Variants in FBXO27 observed in about 807,000 individuals in gnomAD.
FBXO27 encodes F-box only protein 27.
Under a neutral mutation model 28.3 loss-of-function variants are expected in FBXO27, and 28 were observed. The observed-to-expected ratio is 0.99, with a 90% CI of 0.73 to 1.36. The LOEUF is 1.36. Among genes scored for constraint, FBXO27 ranks in the 40% most tolerant of loss-of-function variants. The pLI is 0.00. For synonymous variants in FBXO27, 175 were observed against 167.3 expected (o/e 1.05, Z -0.36); for missense variants, 388 against 394.1 (o/e 0.98, Z 0.13).
intron 1 of FBXO27, among the ~76,000 whole-genome samples, chr19:39,014,765 AC>A (rs903117033): frequency 8.0e-5 from 12 of 150,414 alleles, no homozygotes; most frequent in African/African-American, 2.9e-4. Context: ...AAAAATGCAT[AC>A]CTTCAAGAAA....
chr19:39,009,481 T>C (rs1051223386), intron 2 of FBXO27, among the ~76,000 whole-genome samples: 1 of 152,192 alleles, frequency 6.6e-6, no homozygotes, highest in Non-Finnish European at 1.5e-5. Context: ...TTTGCTCATA[T>C]TCATCCTACT....
chr19:39,020,034 G>C (rs1600225187), downstream of FBXO27, among the ~76,000 whole-genome samples: 1 of 152,026 alleles, frequency 6.6e-6, no homozygotes, highest in East Asian at 1.9e-4. Context: ...ATTACAGGCA[G>C]GAGCCACACC....
downstream of FBXO27, among the ~76,000 whole-genome samples, chr19:39,019,748 TTTTG>T (rs1356820913): frequency 4.6e-5 from 7 of 151,040 alleles, no homozygotes; most frequent in East Asian, 5.8e-4. Flanking sequence ...TGTTTGTTTG[TTTTG>T]TTTGTTTGTT....
intron 2 of FBXO27, among the ~76,000 whole-genome samples, chr19:39,007,053 T>G: frequency 1.9e-5 from 1 of 52,888 alleles, no homozygotes. Context: ...AGCCTGGGTG[T>G]CTCCAAAAAA....
intron 1 of FBXO27, among the ~76,000 whole-genome samples, chr19:39,018,994 G>A (rs1361356468): frequency 1.3e-5 from 2 of 150,426 alleles, no homozygotes; most frequent in Non-Finnish European, 3.0e-5. Context: ...ACTTGAACCC[G>A]GGAGGCAGAG....
At chr19:39,028,887 G>C (rs1403978993) in intron 4 of FBXO27, among the ~76,000 whole-genome samples, 1 of 151,480 alleles carries the variant, frequency 6.6e-6, no homozygotes, top group Non-Finnish European at 1.5e-5. Flanking sequence ...TCAAAAATTA[G>C]CCAGGCATGT....
intron 1 of FBXO27, among the ~76,000 whole-genome samples, chr19:39,017,699 C>A (rs867434722): frequency 6.6e-6 from 1 of 151,174 alleles, no homozygotes. Flanking sequence ...ATGAAACAGT[C>A]ACAAAATACA....
chr19:39,006,765 A>G (rs1316678148), intron 2 of FBXO27, among the ~76,000 whole-genome samples: 2 of 151,932 alleles, frequency 1.3e-5, no homozygotes, highest in Admixed American at 1.3e-4. Context: ...CCTAATAATC[A>G]GGGGACAACA....
downstream of FBXO27, among the ~76,000 whole-genome samples, chr19:39,023,529 T>G (rs7259800): frequency 0.086 from 12,999 of 151,974 alleles, 709 homozygotes; most frequent in Non-Finnish European, 0.12. Flanking sequence ...TGGGCCATGC[T>G]TTTCTTCCTC....
chr19:39,021,408 C>T (rs1037713393), downstream of FBXO27, among the ~76,000 whole-genome samples: 1 of 152,108 alleles, frequency 6.6e-6, no homozygotes, highest in African/African-American at 2.4e-5. Flanking sequence ...CCTCTTCAGC[C>T]TACTCATTGT....
At position 39,015,017 on chromosome 19, in the gene FBXO27, C is replaced by CAAA. The variant is rs35545169; in HGVS notation, c.92-473_92-471dup. ...TGGGCAACAGAGCAAGACTCTGTCT[C>CAAA]AAAAAAAAAAAAAAAAGGTTGGGGG... is the stretch of plus-strand genomic sequence containing the variant. On this transcript the variant is annotated intron_variant, in intron 1 of 2. Coordinates refer to the FBXO27 transcript ENST00000598394. Among the ~76,000 whole-genome samples the CAAA allele has an allele frequency of 2.4e-4, 30 of 125,880 alleles. No homozygotes were observed. In the East Asian group the frequency reaches 5.1e-3, roughly 21 times the overall value. 82.6% of individuals were successfully genotyped at this position (125,880 alleles called of 152,430 possible).
At chr19:39,015,500 G>A (rs1349125930) in intron 1 of FBXO27, among the ~76,000 whole-genome samples, 3 of 150,886 alleles carry the variant, frequency 2.0e-5, no homozygotes, top group Non-Finnish European at 3.0e-5. Flanking sequence ...GGTGGCATGC[G>A]CCTGTAGTCC....
chr19:39,032,288 A>AGCAGCCTCCGCGGCGC lies in FBXO27; in HGVS notation c.-26-51_-26-36dup. On this transcript the variant is annotated intron_variant, in intron 1 of 5. Coordinates refer to ENST00000292853, the MANE Select transcript of FBXO27 (RefSeq NM_178820.5). This position sits in a 1 kb window ranked among gnomAD's most constrained non-coding sequence, Gnocchi z 4.7. Reference sequence around the variant, plus strand: ...AGGAAGGGTCAAGGCGTCAGGGACCAGCAGCCTCCGCGGCGCGCAGCCTCT... The same window carrying AGCAGCCTCCGCGGCGC: ...AGGAAGGGTCAAGGCGTCAGGGACCAGCAGCCTCCGCGGCGCGCAGCCTCCGCGGCGCGCAGCCTCT... The AGCAGCCTCCGCGGCGC allele has an allele frequency of 7.3e-7, 1 of 1,376,124 alleles. No individual in the cohort carries two copies. Among genetic ancestry groups the AGCAGCCTCCGCGGCGC allele is most frequent in the South Asian group, 1.7e-5 (1 of 60,600 alleles). 85.2% of individuals were successfully genotyped at this position (1,376,124 alleles called of 1,614,324 possible). A position where few individuals can be genotyped will look rare whatever the true frequency, so the allele number is the denominator to read the frequency against.
chr19:39,016,916 T>G (rs1325781617), intron 1 of FBXO27, among the ~76,000 whole-genome samples: 1 of 147,840 alleles, frequency 6.8e-6, no homozygotes, highest in Non-Finnish European at 1.5e-5. Context: ...AACTAGAAAG[T>G]GTTTTTTAAA....
At chr19:39,014,819 A>G (rs2072812150) in intron 1 of FBXO27, among the ~76,000 whole-genome samples, 2 of 151,976 alleles carry the variant, frequency 1.3e-5, no homozygotes, top group Non-Finnish European at 2.9e-5. Flanking sequence ...TTTGCAGAAG[A>G]CATATCTGAT....
chr19:39,025,409 G>C lies in FBXO27; in HGVS notation c.*2C>G, dbSNP rs755179840. 1.2e-6 allele frequency: 2 copies of C among 1,612,860 alleles called. No individual in the cohort carries two copies. The highest frequency in any genetic ancestry group is 1.7e-6 in the Non-Finnish European group (2 of 1,179,532). Reference sequence around the variant, plus strand: ...CTGTCTTGCAAGAAGGGTAGTGCTGGACTAGGACAGACGGACTCGCACGAT... The same window carrying C: ...CTGTCTTGCAAGAAGGGTAGTGCTGCACTAGGACAGACGGACTCGCACGAT... On this transcript the variant is annotated 3_prime_UTR_variant, in exon 6 of 6. Coordinates refer to ENST00000292853, the MANE Select transcript of FBXO27 (RefSeq NM_178820.5).
intron 2 of FBXO27, among the ~76,000 whole-genome samples, chr19:39,010,259 T>C (rs921432206): frequency 6.6e-6 from 1 of 152,124 alleles, no homozygotes; most frequent in African/African-American, 2.4e-5. Flanking sequence ...TCTTAGCTCT[T>C]AGTGTTTGAG....
chr19:39,021,590 T>C (rs1038253973), downstream of FBXO27, among the ~76,000 whole-genome samples: 13 of 152,186 alleles, frequency 8.5e-5, no homozygotes, highest in Non-Finnish European at 1.5e-5. Context: ...TAATTGACCA[T>C]TTATGTTATC....
chr19:39,022,822 A>G (rs192053814), downstream of FBXO27, among the ~76,000 whole-genome samples: 630 of 150,462 alleles, frequency 4.2e-3, 7 homozygotes, highest in African/African-American at 0.014. Flanking sequence ...TTTGAGACAG[A>G]GTTTTGCTCT....
Sources: gnomAD v4.1 joint callset for allele counts (sites outside exome capture counted in the v4.1 genomes callset) on GRCh38, gnomAD v4.1.1 for gene constraint, Gnocchi (gnomAD v3.1) non-coding constraint, MANE v1.5 for transcripts, NCBI Gene and HGNC (gene_info 2026-07-23, HGNC 2026-07-21) for gene names.